FERRY3: variants seen among roughly 807,000 people sequenced by gnomAD.
The protein encoded by FERRY3 is protein C12orf4.
the FERRY3 span, among the ~76,000 whole-genome samples, chr12:4,505,692 A>G: frequency 6.6e-6 from 1 of 152,332 alleles, no homozygotes; most frequent in East Asian, 1.9e-4. Context: ...TCACATACTC[A>G]GATTATAAGT....
At chr12:4,505,211 A>G in the FERRY3 span, 2 of 794,070 alleles carry the variant, frequency 2.5e-6, no homozygotes, top group Non-Finnish European at 4.1e-6. Flanking sequence ...CATATACTAA[A>G]ATCATAGATT....
chr12:4,489,708 C>G, the FERRY3 span: 1 of 849,312 alleles, frequency 1.2e-6, no homozygotes, highest in Non-Finnish European at 1.8e-6. Context: ...GCTGCAAGTT[C>G]TCTTTCTGGG....
At chr12:4,518,419 T>C in the FERRY3 span, among the ~76,000 whole-genome samples, 1 of 152,206 alleles carries the variant, frequency 6.6e-6, no homozygotes, top group African/African-American at 2.4e-5. Context: ...CAGTTTAATC[T>C]ATCTGCAAAA....
the FERRY3 span, chr12:4,530,174 A>G: frequency 3.5e-4 from 274 of 784,004 alleles, 3 homozygotes; most frequent in African/African-American, 3.1e-3. Context: ...TTATATATAT[A>G]TGTGTGTGTA....
the FERRY3 span, chr12:4,491,170 T>C: frequency 1.2e-6 from 2 of 1,612,588 alleles, no homozygotes; most frequent in Non-Finnish European, 1.7e-6. Context: ...GAGAAGATTA[T>C]GCTCACCTTT....
At chr12:4,520,484 C>A in the FERRY3 span, among the ~76,000 whole-genome samples, 1 of 152,148 alleles carries the variant, frequency 6.6e-6, no homozygotes, top group Non-Finnish European at 1.5e-5. Context: ...CTCTGGCATG[C>A]GAAGGCTGCT....
At chr12:4,510,600 TAAAG>T in the FERRY3 span, among the ~76,000 whole-genome samples, 1 of 151,244 alleles carries the variant, frequency 6.6e-6, no homozygotes, top group Non-Finnish European at 1.5e-5. Context: ...TCAACATTCT[TAAAG>T]AAAAGAATCT....
At chr12:4,538,344 G>C in the FERRY3 span, 8 of 152,992 alleles carry the variant, frequency 5.2e-5, no homozygotes, top group African/African-American at 1.9e-4. Context: ...AGCCGGGTGA[G>C]GGGACTAATC....
At chr12:4,519,400 C>T in the FERRY3 span, among the ~76,000 whole-genome samples, 1 of 152,162 alleles carries the variant, frequency 6.6e-6, no homozygotes, top group Non-Finnish European at 1.5e-5. The surrounding 1 kb of genome is among the most constrained non-coding windows in gnomAD (Gnocchi z 4.3). Context: ...CCAACATTCT[C>T]CTCCCACTAA....
At chr12:4,500,236 G>A in the FERRY3 span, 8 of 1,613,894 alleles carry the variant, frequency 5.0e-6, no homozygotes, top group Non-Finnish European at 6.8e-6. Flanking sequence ...ATAATGGCAG[G>A]ATCACGAGCA....
the FERRY3 span, chr12:4,500,018 G>T: frequency 1.1e-6 from 1 of 891,646 alleles, no homozygotes; most frequent in East Asian, 2.6e-5. Context: ...AACCAGATCG[G>T]AGATGCAAAA....
chr12:4,517,335 C>T, the FERRY3 span: 6 of 936,392 alleles, frequency 6.4e-6, no homozygotes, highest in Non-Finnish European at 8.6e-6. Context: ...ATAATTATGC[C>T]TTAAGTTAGG....
At chr12:4,525,274 GT>G in the FERRY3 span, 1 of 1,613,406 alleles carries the variant, frequency 6.2e-7, no homozygotes, top group Non-Finnish European at 8.5e-7. Context: ...TGTTGTTGGG[GT>G]TTTTTAGGTC....
the FERRY3 span, chr12:4,489,936 T>C: frequency 7.7e-7 from 1 of 1,300,612 alleles, no homozygotes; most frequent in Non-Finnish European, 1.1e-6. Context: ...ACTTGTTAAA[T>C]CATCATTGAT....
At chr12:4,503,548 TC>T in the FERRY3 span, among the ~76,000 whole-genome samples, 1 of 152,364 alleles carries the variant, frequency 6.6e-6, no homozygotes, top group South Asian at 2.1e-4. Flanking sequence ...TAGATTTTTT[TC>T]ATCTACTGTA....
the FERRY3 span, chr12:4,534,059 AG>A: frequency 3.1e-6 from 4 of 1,287,802 alleles, no homozygotes; most frequent in Non-Finnish European, 3.2e-6. Flanking sequence ...GTGGAGAAAA[AG>A]GATCTTATAA....
the FERRY3 span, among the ~76,000 whole-genome samples, chr12:4,513,493 A>T: frequency 6.7e-6 from 1 of 149,812 alleles, no homozygotes; most frequent in African/African-American, 2.4e-5. Context: ...ACTTCAAACT[A>T]TACTACAAGG....
chr12:4,525,352 A>T, the FERRY3 span: 2 of 1,613,530 alleles, frequency 1.2e-6, no homozygotes, highest in South Asian at 2.2e-5. Context: ...GTTTTAATTC[A>T]TTCGACCATT....
chr12:4,520,574 A>G, the FERRY3 span, among the ~76,000 whole-genome samples: 3 of 152,216 alleles, frequency 2.0e-5, no homozygotes, highest in African/African-American at 4.8e-5. Context: ...AAGTAGCACC[A>G]GTAGAAAATG....
Sources: allele counts gnomAD v4.1 joint callset (sites outside exome capture counted in the v4.1 genomes callset), GRCh38; gene constraint gnomAD v4.1.1; non-coding constraint Gnocchi (gnomAD v3.1); transcripts MANE v1.5; gene names NCBI Gene and HGNC (gene_info 2026-07-23, HGNC 2026-07-21).